PTPRT: variants seen among roughly 807,000 people sequenced by gnomAD.
PTPRT encodes the protein protein tyrosine phosphatase receptor type T, also known as receptor-type tyrosine-protein phosphatase T.
A neutral mutation model predicts 176.8 loss-of-function variants in PTPRT; 56 were observed. The ratio of observed to expected loss-of-function variants is 0.32; its 90% CI spans 0.26 to 0.40. The LOEUF (loss-of-function observed/expected upper bound fraction) is 0.40, where lower values mean the gene tolerates loss of function less well. Among genes scored for constraint, PTPRT ranks in the 10% least tolerant of loss-of-function variants. The probability of loss-of-function intolerance (pLI) is 1.00; values close to 1 mark genes in which losing one functional copy is unlikely to be tolerated. For synonymous variants in PTPRT, 783 were observed against 739.0 expected, an observed-to-expected ratio of 1.06 and a Z score of -0.96; for missense variants, 1,540 against 1,908.2, an observed-to-expected ratio of 0.81 and a Z score of 3.60.
At chr20:42,848,849 GA>G (rs766172126) in intron 2 of PTPRT, among the ~76,000 whole-genome samples, 30 of 151,996 alleles carry the variant, frequency 2.0e-4, no homozygotes, top group Non-Finnish European at 3.7e-4. Context: ...TGTTTTTGTC[GA>G]ATTTGCTTTT....
chr20:42,911,169 C>A (rs1177889268), intron 1 of PTPRT, among the ~76,000 whole-genome samples: 2 of 150,634 alleles, frequency 1.3e-5, no homozygotes, highest in Admixed American at 1.3e-4. Context: ...TTTTTTAAAT[C>A]ATGGTGACTC....
chr20:42,401,698 G>T (rs6016777), intron 9 of PTPRT, among the ~76,000 whole-genome samples: 18,546 of 152,072 alleles, frequency 0.12, 1,307 homozygotes, highest in East Asian at 0.26. Context: ...TAGCAGAGAG[G>T]ATGGCATGTT....
intron 6 of PTPRT, among the ~76,000 whole-genome samples, chr20:42,722,781 T>C (rs1334834747): frequency 3.9e-5 from 6 of 152,198 alleles, no homozygotes; most frequent in Non-Finnish European, 8.8e-5. Context: ...TTAAGCTTAA[T>C]TAACTTAAAA....
chr20:42,707,256 T>C (rs887935193), intron 6 of PTPRT, among the ~76,000 whole-genome samples: 1 of 152,132 alleles, frequency 6.6e-6, no homozygotes, highest in Non-Finnish European at 1.5e-5. Flanking sequence ...TAAGAAAAGA[T>C]AATGAGTTGG....
At chr20:42,103,322 T>C (rs969141716) in intron 25 of PTPRT, among the ~76,000 whole-genome samples, 3 of 152,222 alleles carry the variant, frequency 2.0e-5, no homozygotes, top group African/African-American at 7.2e-5. Flanking sequence ...TTAACATGCA[T>C]ACAAATCACT....
chr20:42,348,414 A>C (rs1332001516), intron 11 of PTPRT, among the ~76,000 whole-genome samples: 1 of 124,424 alleles, frequency 8.0e-6, no homozygotes, highest in Non-Finnish European at 1.7e-5. Context: ...TTTTGGATAA[A>C]AATGTCACCA....
intron 9 of PTPRT, among the ~76,000 whole-genome samples, chr20:42,381,820 T>C (rs1042699367): frequency 1.3e-5 from 2 of 152,214 alleles, no homozygotes; most frequent in Admixed American, 1.3e-4. Context: ...CTGTGTTCCC[T>C]TCTACCTTCA....
intron 1 of PTPRT, among the ~76,000 whole-genome samples, chr20:43,173,323 A>T (rs2015049093): frequency 6.6e-6 from 1 of 152,228 alleles, no homozygotes; most frequent in Non-Finnish European, 1.5e-5. Context: ...ACAATGAAAA[A>T]GTCAACCGCA....
chr20:42,445,105 C>A (rs532896994), intron 9 of PTPRT, among the ~76,000 whole-genome samples: 1 of 152,164 alleles, frequency 6.6e-6, no homozygotes, highest in Admixed American at 6.5e-5. Flanking sequence ...CCAGGTCATG[C>A]TAATGCCGCT....
intron 9 of PTPRT, among the ~76,000 whole-genome samples, chr20:42,446,621 T>TGTGTGTGTGTGAGA (rs1491165117): frequency 7.7e-5 from 10 of 130,084 alleles, no homozygotes; most frequent in South Asian, 2.5e-4. Flanking sequence ...TGTGTGTGTG[T>TGTGTGTGTGTGAGA]GAGAGAGAGA....
intron 6 of PTPRT, among the ~76,000 whole-genome samples, chr20:42,706,153 CTCTT>C (rs1396164200): frequency 1.5e-5 from 2 of 132,808 alleles, no homozygotes; most frequent in African/African-American, 6.4e-5. Flanking sequence ...CTCTTTGTCT[CTCTT>C]TATCTCTCTC....
intron 9 of PTPRT, among the ~76,000 whole-genome samples, chr20:42,372,042 G>A (rs1464852242): frequency 3.9e-5 from 6 of 152,098 alleles, no homozygotes; most frequent in Non-Finnish European, 7.4e-5. Context: ...GGTACTGGGG[G>A]GAGAGTGGAG....
Position 42,739,514 on chromosome 20 carries a change from G to A in PTPRT, c.859+16948C>T, listed in dbSNP as rs148668135. 6.8e-4 allele frequency among the ~76,000 whole-genome samples: 104 copies of A among 152,228 alleles called. 1 individual carries two copies. Among genetic ancestry groups the A allele is most frequent in the African/African-American group, 2.4e-3 (100 of 41,542 alleles). Reference sequence around the variant, plus strand: ...AGGAATGGTTGCAAGAGAGAGGGAAGGGGCAGAGGCTGGCGGACACTGAGG... The same window carrying A: ...AGGAATGGTTGCAAGAGAGAGGGAAAGGGCAGAGGCTGGCGGACACTGAGG... On this transcript the variant is annotated intron_variant, in intron 6 of 30. Transcript: ENST00000373187.
chr20:42,311,588 T>C (rs1008711074), intron 12 of PTPRT, among the ~76,000 whole-genome samples: 3 of 152,220 alleles, frequency 2.0e-5, no homozygotes, highest in African/African-American at 7.2e-5. Context: ...TCTCATCCTT[T>C]GTCTTTAATC....
At chr20:42,537,980 T>C (rs978713831) in intron 7 of PTPRT, among the ~76,000 whole-genome samples, 6 of 152,180 alleles carry the variant, frequency 3.9e-5, no homozygotes, top group Admixed American at 6.5e-5. Flanking sequence ...ATAATGAAGA[T>C]AGTTATTGAG....
intron 1 of PTPRT, among the ~76,000 whole-genome samples, chr20:42,908,679 TAAGGCTGTGGTC>T (rs1187408267): frequency 6.6e-6 from 1 of 152,212 alleles, no homozygotes; most frequent in Non-Finnish European, 1.5e-5. Context: ...ATGTAAACTT[TAAGGCTGTGGTC>T]AAGTTTGGAG....
At chr20:42,370,036 C>T (rs918770201) in intron 9 of PTPRT, among the ~76,000 whole-genome samples, 10 of 147,028 alleles carry the variant, frequency 6.8e-5, no homozygotes, top group Non-Finnish European at 1.3e-4. Context: ...CTCTCTGTGT[C>T]CAGGTCCATG....
chr20:42,882,531 G>A (rs1054417741), intron 2 of PTPRT, among the ~76,000 whole-genome samples: 1 of 152,176 alleles, frequency 6.6e-6, no homozygotes, highest in African/African-American at 2.4e-5. Context: ...AAGGATAGTA[G>A]CAAAGAGGAA....
At chr20:42,821,429 T>C (rs1264899342) in intron 2 of PTPRT, among the ~76,000 whole-genome samples, 1 of 152,150 alleles carries the variant, frequency 6.6e-6, no homozygotes, top group Non-Finnish European at 1.5e-5. Context: ...ATAAGAGCTA[T>C]TTATGACAAA....
Sources: allele counts gnomAD v4.1 joint callset (sites outside exome capture counted in the v4.1 genomes callset), GRCh38; gene constraint gnomAD v4.1.1; transcripts MANE v1.5; gene names NCBI Gene and HGNC (gene_info 2026-07-23, HGNC 2026-07-21).